The following DLG2 variants were observed in gnomAD, a reference collection of about 807,000 sequenced individuals.
The protein encoded by DLG2 is discs large MAGUK scaffold protein 2.
Under a neutral mutation model 132.5 loss-of-function variants are expected in DLG2, and 45 were observed. The observed-to-expected ratio is 0.34, with a 90% CI of 0.27 to 0.44. The LOEUF is 0.44. Ranked by LOEUF, DLG2 falls within the 20% of genes least tolerant of loss-of-function variation. DLG2 has a pLI of 1.00. For synonymous variants in DLG2, 424 were observed against 419.6 expected (o/e 1.01, Z -0.13); for missense variants, 1,045 against 1,196.9 (o/e 0.87, Z 1.87).
chr11:84,360,057 C>T (rs180880360), intron 7 of DLG2, among the ~76,000 whole-genome samples: 5 of 151,966 alleles, frequency 3.3e-5, no homozygotes, highest in Non-Finnish European at 2.9e-5. Flanking sequence ...TACCCCATCA[C>T]CCCAAAACTA....
At chr11:84,053,443 GA>G (rs1299354977) in intron 11 of DLG2, among the ~76,000 whole-genome samples, 1 of 151,312 alleles carries the variant, frequency 6.6e-6, no homozygotes, top group African/African-American at 2.4e-5. Context: ...AAAGTTGAAG[GA>G]AAAAAAAGAA....
At chr11:85,062,828 C>T (rs1218326769) in intron 6 of DLG2, among the ~76,000 whole-genome samples, 1 of 151,636 alleles carries the variant, frequency 6.6e-6, no homozygotes, top group East Asian at 1.9e-4. Context: ...AGTTAGTACT[C>T]ATCACAACTA....
At chr11:83,600,008 A>G (rs1220219189) in intron 19 of DLG2, among the ~76,000 whole-genome samples, 1 of 152,198 alleles carries the variant, frequency 6.6e-6, no homozygotes, top group Non-Finnish European at 1.5e-5. Flanking sequence ...TTGCCTACAG[A>G]TAAGCTGAGT....
At chr11:85,213,050 A>G (rs1371599120) in intron 4 of DLG2, among the ~76,000 whole-genome samples, 1 of 152,196 alleles carries the variant, frequency 6.6e-6, no homozygotes, top group Admixed American at 6.5e-5. Context: ...AATATTTGAT[A>G]GGACCACAAA....
At chr11:83,814,882 A>G in intron 17 of DLG2, 1 of 233,962 alleles carries the variant, frequency 4.3e-6, no homozygotes, top group South Asian at 8.9e-5. Flanking sequence ...TGCTCTCCAA[A>G]GATCCACCCA....
At chr11:85,062,299 A>G (rs1307979498) in intron 6 of DLG2, among the ~76,000 whole-genome samples, 1 of 151,824 alleles carries the variant, frequency 6.6e-6, no homozygotes, top group Admixed American at 6.6e-5. Context: ...GAAAGCTTAG[A>G]TTTAATTTGT....
At chr11:84,723,760 G>A (rs2062090520) in intron 6 of DLG2, among the ~76,000 whole-genome samples, 1 of 152,044 alleles carries the variant, frequency 6.6e-6, no homozygotes, top group Non-Finnish European at 1.5e-5. Context: ...CATTTTTATA[G>A]TCAAAATAAC....
chr11:85,323,752 A>G (rs956143796), intron 3 of DLG2, among the ~76,000 whole-genome samples: 1 of 152,242 alleles, frequency 6.6e-6, no homozygotes, highest in Non-Finnish European at 1.5e-5. Context: ...AGAATATACA[A>G]TACTTGTATT....
intron 4 of DLG2, among the ~76,000 whole-genome samples, chr11:85,190,111 A>C (rs1354827607): frequency 6.6e-6 from 1 of 152,236 alleles, no homozygotes; most frequent in Non-Finnish European, 1.5e-5. Flanking sequence ...ATCATGAATA[A>C]ATAGTTCAGG....
intron 19 of DLG2, among the ~76,000 whole-genome samples, chr11:83,572,682 T>C (rs996646024): frequency 6.6e-6 from 1 of 152,170 alleles, no homozygotes; most frequent in Non-Finnish European, 1.5e-5. Flanking sequence ...CCTTTTACCA[T>C]GCATAATGGC....
intron 9 of DLG2, among the ~76,000 whole-genome samples, chr11:84,160,000 T>G (rs1398645431): frequency 6.6e-6 from 1 of 152,160 alleles, no homozygotes; most frequent in African/African-American, 2.4e-5. Flanking sequence ...GGGCAGCAGT[T>G]ACTTTGGCCC....
At chr11:84,659,893 CAAAG>C (rs1349626677) in intron 6 of DLG2, among the ~76,000 whole-genome samples, 2 of 151,986 alleles carry the variant, frequency 1.3e-5, no homozygotes, top group Admixed American at 6.6e-5. Flanking sequence ...TAAAATCAGC[CAAAG>C]AAAGGTGTCC....
intron 6 of DLG2, among the ~76,000 whole-genome samples, chr11:84,870,977 C>G (rs1477591074): frequency 6.6e-6 from 1 of 152,194 alleles, no homozygotes; most frequent in Non-Finnish European, 1.5e-5. Context: ...TTTCATTTAA[C>G]CATCCTTTTA....
intron 8 of DLG2, among the ~76,000 whole-genome samples, chr11:84,201,994 T>C (rs1404975062): frequency 6.6e-6 from 1 of 151,610 alleles, no homozygotes. Context: ...AATTTTTGTA[T>C]TTTTAGTAGA....
chr11:84,862,821 G>GGGA (rs1555265826), intron 6 of DLG2, among the ~76,000 whole-genome samples: 1 of 136,090 alleles, frequency 7.3e-6, no homozygotes, highest in Non-Finnish European at 1.6e-5. Context: ...TCCTGTCGGG[G>GGGA]GGGGGGGGTG....
chr11:85,477,873 G>A (rs1246138875), intron 3 of DLG2, among the ~76,000 whole-genome samples: 1 of 152,054 alleles, frequency 6.6e-6, no homozygotes, highest in African/African-American at 2.4e-5. Context: ...CGTTTCTTTT[G>A]TTCTTTCAAA....
intron 3 of DLG2, among the ~76,000 whole-genome samples, chr11:85,592,236 T>C (rs762005498): frequency 6.6e-6 from 1 of 152,226 alleles, no homozygotes; most frequent in Non-Finnish European, 1.5e-5. Flanking sequence ...AAACACTTCA[T>C]AAATACTTTG....
intron 2 of DLG2, among the ~76,000 whole-genome samples, chr11:85,622,959 G>T (rs2081823367): frequency 6.6e-6 from 1 of 151,698 alleles, no homozygotes; most frequent in Non-Finnish European, 1.5e-5. Context: ...TCAGAAAGCT[G>T]AGTCAAGAGA....
intron 6 of DLG2, among the ~76,000 whole-genome samples, chr11:84,557,326 G>C (rs2099413867): frequency 6.6e-6 from 1 of 152,032 alleles, no homozygotes; most frequent in Non-Finnish European, 1.5e-5. Context: ...CTTGCTTAGT[G>C]CCTATTGAAG....
Sources: allele counts gnomAD v4.1 joint callset (sites outside exome capture counted in the v4.1 genomes callset), GRCh38; gene constraint gnomAD v4.1.1; transcripts MANE v1.5; gene names NCBI Gene and HGNC (gene_info 2026-07-23, HGNC 2026-07-21).